Variants in SLIT3 observed in about 807,000 individuals in gnomAD.
SLIT3 encodes slit guidance ligand 3, also known as slit homolog 3 protein.
Under a neutral mutation model 184.0 loss-of-function variants are expected in SLIT3, and 68 were observed. The observed-to-expected ratio is 0.37, with a 90% CI of 0.30 to 0.45. The LOEUF (loss-of-function observed/expected upper bound fraction) is 0.45. Ranked by LOEUF, SLIT3 falls within the 20% of genes least tolerant of loss-of-function variation. SLIT3 has a pLI of 1.00. For missense variants in SLIT3, 1,707 were observed against 2,026.0 expected, an observed-to-expected ratio of 0.84 and a Z score of 3.02; for synonymous variants, 831 against 828.6, an observed-to-expected ratio of 1.00 and a Z score of -0.05.
chr5:169,088,935 G>A (rs760891408), intron 4 of SLIT3, among the ~76,000 whole-genome samples: 2 of 143,074 alleles, frequency 1.4e-5, no homozygotes, highest in Non-Finnish European at 3.0e-5. Context: ...CAGGAGAATC[G>A]CTCGTACCTG....
chr5:168,807,616 G>A (rs1462000122), intron 8 of SLIT3, among the ~76,000 whole-genome samples: 1 of 152,148 alleles, frequency 6.6e-6, no homozygotes. Flanking sequence ...TCCTCTCAGG[G>A]AAAAGAGCCA....
intron 4 of SLIT3, among the ~76,000 whole-genome samples, chr5:168,987,500 C>T (rs1294512694): frequency 6.6e-6 from 1 of 152,218 alleles, no homozygotes; most frequent in Non-Finnish European, 1.5e-5. Context: ...TCAGTTTCCT[C>T]ATCTGTAAAA....
At chr5:168,732,154 A>G (rs924026808) in intron 20 of SLIT3, among the ~76,000 whole-genome samples, 2 of 152,100 alleles carry the variant, frequency 1.3e-5, no homozygotes, top group East Asian at 3.8e-4. Context: ...ACCAATAACT[A>G]TCTAGTCAAG....
intron 4 of SLIT3, among the ~76,000 whole-genome samples, chr5:169,112,459 C>T (rs1204738784): frequency 6.6e-6 from 1 of 152,092 alleles, no homozygotes; most frequent in Non-Finnish European, 1.5e-5. Context: ...CAAGGTAGAC[C>T]CTCATAACAT....
At chr5:168,726,198 CAAGAGAAATG>C (rs1763101932) in intron 20 of SLIT3, among the ~76,000 whole-genome samples, 2 of 151,662 alleles carry the variant, frequency 1.3e-5, no homozygotes, top group Non-Finnish European at 2.9e-5. Flanking sequence ...ACAGAAAAGC[CAAGAGAAATG>C]CATTCATTCA....
At chr5:168,957,795 G>A (rs943520311) in intron 4 of SLIT3, among the ~76,000 whole-genome samples, 4 of 152,164 alleles carry the variant, frequency 2.6e-5, no homozygotes, top group Non-Finnish European at 4.4e-5. Context: ...GGCCACAGGT[G>A]CCACCGCTGC....
At chr5:168,737,339 GT>G (rs1347685020) in intron 20 of SLIT3, among the ~76,000 whole-genome samples, 16 of 152,244 alleles carry the variant, frequency 1.1e-4, no homozygotes, top group African/African-American at 3.9e-4. Flanking sequence ...TCTTCAACCA[GT>G]GCATTCTTGT....
intron 4 of SLIT3, among the ~76,000 whole-genome samples, chr5:169,011,046 C>T (rs1756123466): frequency 6.6e-6 from 1 of 152,068 alleles, no homozygotes; most frequent in Non-Finnish European, 1.5e-5. Context: ...GAAAGAAGAG[C>T]AGGGCTCAGG....
In SLIT3 at chr5:168,842,807, C is replaced by T. The variant is rs116558549; in HGVS notation, c.557+1777G>A. Reference sequence around the variant, plus strand: ...GGCTGTCAGGTTGTCACAGCTGTTTCGTGGCAGCTGGTGACTTCCGTTTCC... The same window carrying T: ...GGCTGTCAGGTTGTCACAGCTGTTTTGTGGCAGCTGGTGACTTCCGTTTCC... On this transcript the variant is annotated intron_variant, in intron 6 of 35. Transcript: ENST00000519560. Among the ~76,000 whole-genome samples, 707 of 152,320 alleles carry T rather than the reference C, an allele frequency of 4.6e-3. 8 individuals carry two copies. The highest frequency in any genetic ancestry group is 0.016 in the African/African-American group (677 of 41,568).
rs1489340250 is a variant in SLIT3, at chr5:168,711,818, T to TGTTTTACA, written c.2555+464_2555+465insTGTAAAAC. 3.9e-5 allele frequency among the ~76,000 whole-genome samples: 6 copies of TGTTTTACA among 152,278 alleles called. No homozygotes were observed. The South Asian group carries it at 6.2e-4, about 16-fold the overall frequency. On this transcript the variant is annotated intron_variant, in intron 24 of 35. Coordinates refer to ENST00000519560, the MANE Select transcript of SLIT3 (RefSeq NM_003062.4). The stretch of plus-strand genomic sequence containing the variant: ...GCTAGTCACCTAATATTTATGGGCC[T>TGTTTTACA]CAGTTTTTCCTGTGTAAAATAAGAA...
intron 4 of SLIT3, among the ~76,000 whole-genome samples, chr5:169,106,681 C>A (rs1176208639): frequency 6.6e-6 from 1 of 152,158 alleles, no homozygotes; most frequent in Non-Finnish European, 1.5e-5. Flanking sequence ...TCCCTGTCTC[C>A]CTGTAGCATG....
intron 23 of SLIT3, among the ~76,000 whole-genome samples, chr5:168,715,764 T>C (rs1326257555): frequency 6.6e-6 from 1 of 151,122 alleles, no homozygotes; most frequent in African/African-American, 2.4e-5. Flanking sequence ...CTTTTGCCTC[T>C]CCGGTTCAAG....
chr5:168,784,868 G>GACACACAC (rs34317589), intron 12 of SLIT3, among the ~76,000 whole-genome samples: 5 of 149,744 alleles, frequency 3.3e-5, no homozygotes, highest in Non-Finnish European at 6.0e-5. Context: ...ATTTTAAAAA[G>GACACACAC]ACACACACAC....
chr5:169,165,943 G>A (rs2113404148), intron 4 of SLIT3, among the ~76,000 whole-genome samples: 3 of 152,296 alleles, frequency 2.0e-5, no homozygotes, highest in Middle Eastern at 3.4e-3. Context: ...AGCTCTGAAT[G>A]AGTGCTTAGC....
At chr5:169,277,835 C>G (rs552302282) in intron 1 of SLIT3, among the ~76,000 whole-genome samples, 1 of 152,210 alleles carries the variant, frequency 6.6e-6, no homozygotes, top group Non-Finnish European at 1.5e-5. Context: ...AACTGCCTTA[C>G]TGTTTTCCAC....
intron 3 of SLIT3, among the ~76,000 whole-genome samples, chr5:169,209,542 C>T (rs1358490174): frequency 6.6e-6 from 1 of 152,164 alleles, no homozygotes; most frequent in Non-Finnish European, 1.5e-5. Context: ...TTGGAACCAA[C>T]CCAAATGCCC....
intron 4 of SLIT3, among the ~76,000 whole-genome samples, chr5:169,181,855 T>C (rs1412038354): frequency 6.6e-6 from 1 of 152,218 alleles, no homozygotes; most frequent in Non-Finnish European, 1.5e-5. Flanking sequence ...TCATAGGTTA[T>C]CCTTGTACTC....
intron 4 of SLIT3, among the ~76,000 whole-genome samples, chr5:169,115,313 C>A (rs1760619138): frequency 2.0e-5 from 3 of 152,170 alleles, no homozygotes; most frequent in Admixed American, 6.5e-5. Context: ...GGAAACAGGT[C>A]CATCAAGGAA....
chr5:168,690,148 T>C (rs10037389), intron 29 of SLIT3, among the ~76,000 whole-genome samples: 4,990 of 151,558 alleles, frequency 0.033, 285 homozygotes, highest in African/African-American at 0.11. Context: ...CTTTTTTTTT[T>C]TTTTTTTAGA....
Sources: allele counts gnomAD v4.1 joint callset (sites outside exome capture counted in the v4.1 genomes callset), GRCh38; gene constraint gnomAD v4.1.1; transcripts MANE v1.5; gene names NCBI Gene and HGNC (gene_info 2026-07-23, HGNC 2026-07-21).